Variants in ZNF804A observed in about 807,000 individuals in gnomAD.
ZNF804A encodes zinc finger protein 804A.
Under a neutral mutation model 16.5 loss-of-function variants are expected in ZNF804A, and 2 were observed. That is an observed-to-expected ratio of 0.12 (90% CI 0.05 to 0.38). ZNF804A has a LOEUF of 0.38. Among genes scored for constraint, ZNF804A ranks in the 10% least tolerant of loss-of-function variants. The pLI is 0.99. For synonymous variants in ZNF804A, 534 were observed against 489.6 expected (o/e 1.09, Z -1.20); for missense variants, 1,473 against 1,390.7 (o/e 1.06, Z -0.94).
At chr2:184,816,229 G>T (rs1446369793) in intron 1 of ZNF804A, among the ~76,000 whole-genome samples, 1 of 151,968 alleles carries the variant, frequency 6.6e-6, no homozygotes, top group Non-Finnish European at 1.5e-5. Flanking sequence ...GGCAGCAATG[G>T]CGCCTAATTC....
intron 1 of ZNF804A, among the ~76,000 whole-genome samples, chr2:184,853,215 T>C (rs1239922293): frequency 6.6e-6 from 1 of 151,934 alleles, no homozygotes; most frequent in African/African-American, 2.4e-5. Context: ...TTTCTTACTT[T>C]CTGTGTTGGA....
chr2:184,921,204 G>A (rs540792921), intron 2 of ZNF804A, among the ~76,000 whole-genome samples: 1 of 152,180 alleles, frequency 6.6e-6, no homozygotes, highest in East Asian at 1.9e-4. Context: ...ATATGACATG[G>A]AACTTTATTC....
intron 1 of ZNF804A, among the ~76,000 whole-genome samples, chr2:184,638,807 A>G (rs1691744501): frequency 6.6e-6 from 1 of 152,152 alleles, no homozygotes; most frequent in South Asian, 2.1e-4. Flanking sequence ...CACATAATTG[A>G]TGCTTACCAT....
intron 1 of ZNF804A, among the ~76,000 whole-genome samples, chr2:184,673,929 A>G (rs77551852): frequency 2.9e-3 from 436 of 152,296 alleles, no homozygotes; most frequent in African/African-American, 9.8e-3. Flanking sequence ...CTAAAAATCA[A>G]TAGTTTGACT....
chr2:184,737,536 T>C (rs1693645884), intron 1 of ZNF804A, among the ~76,000 whole-genome samples: 1 of 152,312 alleles, frequency 6.6e-6, no homozygotes, highest in South Asian at 2.1e-4. Flanking sequence ...AACATGTTTA[T>C]GTAATTATCA....
In ZNF804A at chr2:184,938,628, A is replaced by T; in HGVS notation, c.3232A>T (p.Ser1078Cys). Residue 1078 changes from serine to cysteine, a missense_variant, in exon 4 of 4, where the codon AGC becomes TGC. Transcript: ENST00000302277. ...TCCTCCAGCTGCCCTCCCACCCCCT[A>T]GCACACCTCTGCAGCCTTTGCCTTT... ...TFPPAALPPP[S>C]TPLQPLPLQQ... The T allele has an allele frequency of 4.3e-6, 7 of 1,613,816 alleles. No individual in the cohort carries two copies. The highest frequency in any genetic ancestry group is 5.9e-6 in the Non-Finnish European group (7 of 1,179,896).
intron 1 of ZNF804A, among the ~76,000 whole-genome samples, chr2:184,688,611 A>T (rs929082109): frequency 6.6e-6 from 1 of 152,134 alleles, no homozygotes; most frequent in Non-Finnish European, 1.5e-5. Flanking sequence ...ATGTCTCTCA[A>T]TATACAATAC....
chr2:184,933,990 A>G (rs752587536), intron 3 of ZNF804A, among the ~76,000 whole-genome samples: 3 of 152,128 alleles, frequency 2.0e-5, no homozygotes, highest in Non-Finnish European at 2.9e-5. Flanking sequence ...TTATTATTTA[A>G]GTTATCTTAG....
chr2:184,863,387 A>G (rs1021700836), intron 1 of ZNF804A, among the ~76,000 whole-genome samples: 3 of 152,140 alleles, frequency 2.0e-5, no homozygotes, highest in Non-Finnish European at 4.4e-5. Context: ...GCTAATAGCT[A>G]TAGTTACTTT....
At chr2:184,841,062 G>A (rs1436079636) in intron 1 of ZNF804A, among the ~76,000 whole-genome samples, 1 of 152,092 alleles carries the variant, frequency 6.6e-6, no homozygotes, top group African/African-American at 2.4e-5. Context: ...CTCTGTACGT[G>A]TTTTCCCTTT....
intron 1 of ZNF804A, among the ~76,000 whole-genome samples, chr2:184,852,958 T>A (rs919399467): frequency 1.3e-5 from 2 of 151,810 alleles, no homozygotes; most frequent in Non-Finnish European, 2.9e-5. Context: ...ATTTAGGATT[T>A]TTTTTCTATT....
chr2:184,647,456 A>G (rs1055077882), intron 1 of ZNF804A, among the ~76,000 whole-genome samples: 2 of 152,220 alleles, frequency 1.3e-5, no homozygotes, highest in African/African-American at 4.8e-5. Context: ...AAGGAAGCTC[A>G]ACAGGATCCA....
At chr2:184,891,545 T>C (rs1684984857) in intron 2 of ZNF804A, among the ~76,000 whole-genome samples, 1 of 151,234 alleles carries the variant, frequency 6.6e-6, no homozygotes, top group Admixed American at 6.6e-5. Context: ...ATTTGACATA[T>C]TATTTCTGAT....
At chr2:184,892,090 C>G (rs1574259216) in intron 2 of ZNF804A, among the ~76,000 whole-genome samples, 1 of 152,110 alleles carries the variant, frequency 6.6e-6, no homozygotes, top group Non-Finnish European at 1.5e-5. Context: ...AGGAACTTGC[C>G]TTACTTCTCT....
intron 1 of ZNF804A, among the ~76,000 whole-genome samples, chr2:184,856,785 G>T (rs1227927642): frequency 6.6e-6 from 1 of 152,016 alleles, no homozygotes; most frequent in Non-Finnish European, 1.5e-5. Context: ...AGTGAATTTT[G>T]TATTTAGATT....
chr2:184,695,465 TAAAAAAAAAAAA>T (rs779929990), intron 1 of ZNF804A, among the ~76,000 whole-genome samples: 3 of 51,830 alleles, frequency 5.8e-5, no homozygotes, highest in Admixed American at 2.7e-4. Context: ...ACTCCGTCAT[TAAAAAAAAAAAA>T]AAAAAAAAAA....
At chr2:184,935,316 T>C (rs980748346) in intron 3 of ZNF804A, among the ~76,000 whole-genome samples, 4 of 152,184 alleles carry the variant, frequency 2.6e-5, no homozygotes, top group East Asian at 1.9e-4. Flanking sequence ...GAATGCTGGG[T>C]GAATTGAATT....
chr2:184,601,542 A>AT lies in ZNF804A; in HGVS notation c.111+2478dup, dbSNP rs998163038. ...ATGCTTATCATGGTTTTACAGTTTTATTTTTTATTTTTTAAATTGACAGAT... is the reference window on the plus strand; with the variant it reads ...ATGCTTATCATGGTTTTACAGTTTTATTTTTTTATTTTTTAAATTGACAGAT... On this transcript the variant is annotated intron_variant, in intron 1 of 3. Coordinates refer to ENST00000302277, the MANE Select transcript of ZNF804A (RefSeq NM_194250.2). 6.6e-5 allele frequency among the ~76,000 whole-genome samples: 10 copies of AT among 152,010 alleles called. No individual in the cohort carries two copies. The South Asian group carries it at 1.0e-3, about 16-fold the overall frequency.
intron 1 of ZNF804A, among the ~76,000 whole-genome samples, chr2:184,672,354 G>C (rs1692350778): frequency 6.6e-6 from 1 of 152,194 alleles, no homozygotes; most frequent in South Asian, 2.1e-4. Context: ...TCCTCAGAGA[G>C]ATGACTGATC....
Sources: allele counts gnomAD v4.1 joint callset (sites outside exome capture counted in the v4.1 genomes callset), GRCh38; gene constraint gnomAD v4.1.1; transcripts MANE v1.5; gene names NCBI Gene and HGNC (gene_info 2026-07-23, HGNC 2026-07-21).